Variants in ELMO1 observed in about 807,000 individuals in gnomAD.
ELMO1 encodes engulfment and cell motility protein 1.
A neutral mutation model predicts 98.9 loss-of-function variants in ELMO1; 26 were observed. The ratio of observed to expected loss-of-function variants is 0.26; its 90% CI spans 0.19 to 0.36. ELMO1 has a LOEUF of 0.36. ELMO1 is among the 10% of genes least tolerant of loss of function. The probability of loss-of-function intolerance (pLI) is 1.00; values close to 1 mark genes in which losing one functional copy is unlikely to be tolerated. For missense variants in ELMO1, 627 were observed against 935.2 expected, an observed-to-expected ratio of 0.67 and a Z score of 4.30; for synonymous variants, 346 against 346.0, an observed-to-expected ratio of 1.00 and a Z score of 0.00.
intron 1 of ELMO1, among the ~76,000 whole-genome samples, chr7:37,426,287 G>A (rs905145502): frequency 6.6e-6 from 1 of 150,956 alleles, no homozygotes; most frequent in Non-Finnish European, 1.5e-5. Flanking sequence ...CAAAGTAGCT[G>A]GGATTATAGA....
chr7:37,226,533 A>AC (rs1195660437), intron 8 of ELMO1, among the ~76,000 whole-genome samples: 1 of 151,794 alleles, frequency 6.6e-6, no homozygotes, highest in Non-Finnish European at 1.5e-5. Flanking sequence ...CTCCTCCCCC[A>AC]CCCCACCAAA....
At chr7:37,222,878 T>C (rs1328479250) in intron 9 of ELMO1, among the ~76,000 whole-genome samples, 185 bp from the exon 10 acceptor site, 1 of 152,200 alleles carries the variant, frequency 6.6e-6, no homozygotes, top group African/African-American at 2.4e-5. Context: ...GTGGTAAATA[T>C]ACAACTACTA....
intron 1 of ELMO1, among the ~76,000 whole-genome samples, chr7:37,446,534 T>C (rs1274662963): frequency 2.6e-5 from 4 of 152,046 alleles, no homozygotes; most frequent in Admixed American, 1.3e-4. Flanking sequence ...TCCTGTAATA[T>C]CATGGGCAAA....
chr7:37,280,769 T>C (rs555061165), intron 4 of ELMO1, among the ~76,000 whole-genome samples: 2 of 152,118 alleles, frequency 1.3e-5, no homozygotes, highest in East Asian at 3.9e-4. Flanking sequence ...TAAACTACTA[T>C]AGCCACTGTG....
intron 16 of ELMO1, among the ~76,000 whole-genome samples, chr7:36,957,682 T>C (rs1788582023): frequency 6.6e-6 from 1 of 152,216 alleles, no homozygotes; most frequent in Non-Finnish European, 1.5e-5. Context: ...AGCACCATCT[T>C]GTGTCTTTCC....
At chr7:36,967,208 T>C (rs1328087399) in intron 16 of ELMO1, among the ~76,000 whole-genome samples, 1 of 152,196 alleles carries the variant, frequency 6.6e-6, no homozygotes, top group East Asian at 1.9e-4. Context: ...GGCCAATCGA[T>C]TTGAAGCTTG....
At chr7:36,920,647 T>C (rs1384864935) in intron 16 of ELMO1, among the ~76,000 whole-genome samples, 1 of 152,220 alleles carries the variant, frequency 6.6e-6, no homozygotes, top group African/African-American at 2.4e-5. Context: ...AAATCTGGCA[T>C]AAAACATAGC....
At chr7:36,919,720 T>A (rs181147107) in intron 16 of ELMO1, among the ~76,000 whole-genome samples, 39 of 152,248 alleles carry the variant, frequency 2.6e-4, no homozygotes, top group Non-Finnish European at 4.3e-4. Context: ...CTAGTTTGTA[T>A]TTCCAAGCTC....
At chr7:37,014,689 T>C (rs960342911) in intron 15 of ELMO1, among the ~76,000 whole-genome samples, 4 of 151,706 alleles carry the variant, frequency 2.6e-5, no homozygotes, top group South Asian at 2.1e-4. Flanking sequence ...TGTGTTCTCA[T>C]TGTTTAACTC....
chr7:37,080,811 C>T (rs1482409209), intron 15 of ELMO1, among the ~76,000 whole-genome samples: 1 of 151,832 alleles, frequency 6.6e-6, no homozygotes, highest in Non-Finnish European at 1.5e-5. Context: ...CCCCACTGGC[C>T]TCTGTGTTCT....
intron 14 of ELMO1, among the ~76,000 whole-genome samples, chr7:37,112,507 C>T (rs1182562970): frequency 4.5e-4 from 68 of 152,236 alleles, no homozygotes; most frequent in Admixed American, 4.4e-3. Context: ...TTGGCAAATG[C>T]AAGTTTGCAG....
At chr7:37,235,170 A>C (rs1429298393) in intron 7 of ELMO1, among the ~76,000 whole-genome samples, 2 of 152,246 alleles carry the variant, frequency 1.3e-5, no homozygotes, top group Non-Finnish European at 2.9e-5. Flanking sequence ...AGGTTAAAGA[A>C]AAATTCCAGA....
At chr7:37,429,494 TCA>T (rs2131557487) in intron 1 of ELMO1, 1 of 152,396 alleles carries the variant, frequency 6.6e-6, no homozygotes, top group East Asian at 1.9e-4. Flanking sequence ...GGGCTGATCT[TCA>T]GTTTCACCAC....
intron 16 of ELMO1, among the ~76,000 whole-genome samples, chr7:36,989,875 C>T (rs1261107930): frequency 4.6e-5 from 7 of 152,114 alleles, no homozygotes; most frequent in African/African-American, 7.2e-5. Context: ...CTATGTGAAA[C>T]GTCATAAGTT....
intron 14 of ELMO1, among the ~76,000 whole-genome samples, chr7:37,132,770 C>T (rs1014820484): frequency 6.6e-6 from 1 of 152,194 alleles, no homozygotes; most frequent in Non-Finnish European, 1.5e-5. Flanking sequence ...ATTGTTCCTC[C>T]AGTGTCAGAC....
At chr7:37,029,653 C>T (rs1012104111) in intron 15 of ELMO1, among the ~76,000 whole-genome samples, 1 of 152,132 alleles carries the variant, frequency 6.6e-6, no homozygotes, top group African/African-American at 2.4e-5. Flanking sequence ...ATTATTTGCA[C>T]CATAAAAATG....
rs758645777 is a variant in ELMO1, at chr7:37,096,600, G to A, written c.1300+19C>T. ...GACTCTGCCAGCTTCACACCCATGT[G>A]GGAAATAAGTATACTTACGCAACTC... On this transcript the variant is annotated intron_variant, in intron 15 of 21. Transcript: ENST00000310758. The A allele has an allele frequency of 6.2e-6, 10 of 1,609,204 alleles. No homozygotes were observed. The South Asian group carries it at 9.9e-5, about 16-fold the overall frequency.
intron 15 of ELMO1, among the ~76,000 whole-genome samples, chr7:37,088,665 C>T (rs2129244963): frequency 6.6e-6 from 1 of 152,294 alleles, no homozygotes; most frequent in South Asian, 2.1e-4. Flanking sequence ...CTATGCCTAT[C>T]ACAAGGGCTT....
intron 13 of ELMO1, among the ~76,000 whole-genome samples, chr7:37,136,653 C>G (rs571782165): frequency 3.8e-3 from 576 of 152,112 alleles, no homozygotes; most frequent in Middle Eastern, 6.8e-3. Flanking sequence ...AAGATACAGT[C>G]TTTTCCAAAC....
Sources: allele counts gnomAD v4.1 joint callset (sites outside exome capture counted in the v4.1 genomes callset), GRCh38; gene constraint gnomAD v4.1.1; transcripts MANE v1.5; gene names NCBI Gene and HGNC (gene_info 2026-07-23, HGNC 2026-07-21).